The following DPYD variants were observed in gnomAD, a reference collection of about 807,000 sequenced individuals.
DPYD encodes the protein dihydropyrimidine dehydrogenase [NADP(+)].
In DPYD, 109 loss-of-function variants were observed where a neutral mutation model predicts 116.2. That is an observed-to-expected ratio of 0.94 (90% CI 0.80 to 1.10). The LOEUF (loss-of-function observed/expected upper bound fraction) is 1.10. DPYD is among the 50% of genes least tolerant of loss of function. The probability of loss-of-function intolerance (pLI) is 0.00; values close to 1 mark genes in which losing one functional copy is unlikely to be tolerated. For synonymous variants in DPYD, 440 were observed against 432.0 expected (o/e 1.02, Z -0.23); for missense variants, 1,302 against 1,254.5 (o/e 1.04, Z -0.57).
Position 97,666,313 on chromosome 1 carries a change from A to G in DPYD, c.850+12782T>C, listed in dbSNP as rs1436945147. ...TCAGCCTATTGAATAGGTACATCCC[A>G]CTCTGCATGGCGAATTTTTTCTTTT... On this transcript the variant is annotated intron_variant, in intron 8 of 22. Coordinates refer to ENST00000370192, the MANE Select transcript of DPYD (RefSeq NM_000110.4). 2.6e-5 allele frequency among the ~76,000 whole-genome samples: 4 copies of G among 151,640 alleles called. No homozygotes were observed. In the East Asian group the frequency reaches 7.8e-4, roughly 30 times the overall value.
chr1:97,305,042 T>C (rs771858695), intron 18 of DPYD, among the ~76,000 whole-genome samples: 10 of 152,078 alleles, frequency 6.6e-5, no homozygotes, highest in Non-Finnish European at 5.9e-5. Context: ...CACAAGAGAA[T>C]AGAATTTGTG....
chr1:97,818,783 T>C (rs1053860129), intron 3 of DPYD, among the ~76,000 whole-genome samples: 30 of 151,872 alleles, frequency 2.0e-4, no homozygotes, highest in African/African-American at 7.0e-4. Flanking sequence ...TGTGTATATA[T>C]GTGTATAAAG....
chr1:97,162,654 A>G (rs1209231488), intron 20 of DPYD, among the ~76,000 whole-genome samples: 1 of 152,094 alleles, frequency 6.6e-6, no homozygotes, highest in Non-Finnish European at 1.5e-5. Flanking sequence ...TGGAACCAAA[A>G]AAGAGCCCGC....
chr1:97,791,602 G>A (rs1340580849), intron 3 of DPYD, among the ~76,000 whole-genome samples: 1 of 152,172 alleles, frequency 6.6e-6, no homozygotes, highest in African/African-American at 2.4e-5. Flanking sequence ...GTGATGGTCT[G>A]GTTGTGAATC....
intron 20 of DPYD, among the ~76,000 whole-genome samples, chr1:97,145,559 T>C (rs930315157): frequency 3.3e-5 from 5 of 152,150 alleles, no homozygotes; most frequent in African/African-American, 7.2e-5. Context: ...AAATGAGATA[T>C]TGTCGAAATC....
intron 20 of DPYD, among the ~76,000 whole-genome samples, chr1:97,175,883 T>A (rs770734715): frequency 2.0e-4 from 31 of 152,200 alleles, no homozygotes; most frequent in Non-Finnish European, 3.5e-4. Context: ...TCCTTTCGTG[T>A]TGCATCTTTC....
intron 3 of DPYD, among the ~76,000 whole-genome samples, chr1:97,816,417 G>A (rs757376886): frequency 6.6e-6 from 1 of 151,974 alleles, no homozygotes; most frequent in African/African-American, 2.4e-5. Flanking sequence ...ATAATTCCAT[G>A]GGTATAAAAC....
At chr1:97,311,073 G>C (rs1170707084) in intron 16 of DPYD, among the ~76,000 whole-genome samples, 1 of 151,762 alleles carries the variant, frequency 6.6e-6, no homozygotes, top group Non-Finnish European at 1.5e-5. Context: ...TGCTGAGACT[G>C]AGAATTAGGC....
chr1:97,584,756 A>C (rs1653964352), intron 10 of DPYD, among the ~76,000 whole-genome samples: 1 of 138,092 alleles, frequency 7.2e-6, no homozygotes, highest in African/African-American at 2.7e-5. Context: ...CAATGAGAAC[A>C]CATGGACACA....
At chr1:97,613,961 G>C (rs986045233) in intron 8 of DPYD, among the ~76,000 whole-genome samples, 2 of 151,992 alleles carry the variant, frequency 1.3e-5, no homozygotes, top group African/African-American at 2.4e-5. Context: ...GAAGAGCCAG[G>C]GGGAGGGATG....
At chr1:97,601,858 C>A (rs1347155398) in intron 8 of DPYD, among the ~76,000 whole-genome samples, 1 of 151,968 alleles carries the variant, frequency 6.6e-6, no homozygotes, top group African/African-American at 2.4e-5. Flanking sequence ...CAATATAACA[C>A]ATATGAAATT....
intron 12 of DPYD, chr1:97,546,072 G>A: frequency 9.7e-6 from 13 of 1,338,790 alleles, no homozygotes; most frequent in Non-Finnish European, 1.3e-5. Context: ...CATCACAGTA[G>A]GATCCTTAGT....
chr1:97,177,359 A>G (rs534561350), intron 20 of DPYD, among the ~76,000 whole-genome samples: 1 of 152,298 alleles, frequency 6.6e-6, no homozygotes, highest in Non-Finnish European at 1.5e-5. Context: ...ACTGGGAAGT[A>G]TCTACTGGAT....
intron 2 of DPYD, among the ~76,000 whole-genome samples, chr1:97,867,388 C>T (rs780042891): frequency 5.9e-5 from 9 of 151,682 alleles, no homozygotes; most frequent in East Asian, 5.8e-4. Flanking sequence ...ACTGTTGATA[C>T]GAGAAGAAAA....
At chr1:97,372,505 A>G (rs932955362) in intron 16 of DPYD, among the ~76,000 whole-genome samples, 7 of 152,234 alleles carry the variant, frequency 4.6e-5, no homozygotes, top group Non-Finnish European at 7.4e-5. Context: ...TGTGAGTGGA[A>G]CAGAGAATAT....
chr1:97,305,611 C>T (rs1394841274), intron 17 of DPYD, among the ~76,000 whole-genome samples: 1 of 151,884 alleles, frequency 6.6e-6, no homozygotes, highest in East Asian at 1.9e-4. Context: ...CTTGTTGTTA[C>T]CAAATGTTTT....
intron 2 of DPYD, among the ~76,000 whole-genome samples, chr1:97,832,488 G>T (rs567436078): frequency 6.6e-6 from 1 of 152,210 alleles, no homozygotes; most frequent in East Asian, 1.9e-4. Context: ...ACATCTGTCT[G>T]GAAGTGCTAT....
At chr1:97,649,719 G>C (rs1236215687) in intron 8 of DPYD, among the ~76,000 whole-genome samples, 1 of 151,988 alleles carries the variant, frequency 6.6e-6, no homozygotes, top group Non-Finnish European at 1.5e-5. Flanking sequence ...TCGCATATTT[G>C]AAAGTTTAAT....
At chr1:97,473,985 C>G (rs1162628697) in intron 13 of DPYD, among the ~76,000 whole-genome samples, 3 of 147,150 alleles carry the variant, frequency 2.0e-5, no homozygotes, top group Non-Finnish European at 3.0e-5. Context: ...CACTGCACTC[C>G]TGCCTGGGCA....
Sources: allele counts gnomAD v4.1 joint callset (sites outside exome capture counted in the v4.1 genomes callset), GRCh38; gene constraint gnomAD v4.1.1; transcripts MANE v1.5; gene names NCBI Gene and HGNC (gene_info 2026-07-23, HGNC 2026-07-21).